DDX4: variants seen among roughly 807,000 people sequenced by gnomAD.
DDX4 encodes DEAD-box helicase 4.
A neutral mutation model predicts 100.0 loss-of-function variants in DDX4; 25 were observed. That is an observed-to-expected ratio of 0.25 (90% CI 0.18 to 0.35). The LOEUF is 0.35. DDX4 is among the 10% of genes least tolerant of loss of function. DDX4 has a pLI of 1.00. For missense variants in DDX4, 635 were observed against 882.4 expected, an observed-to-expected ratio of 0.72 and a Z score of 3.55; for synonymous variants, 259 against 275.7, an observed-to-expected ratio of 0.94 and a Z score of 0.60.
chr5:55,764,434 C>T (rs536174754), intron 6 of DDX4, among the ~76,000 whole-genome samples: 15 of 152,242 alleles, frequency 9.9e-5, no homozygotes, highest in African/African-American at 3.4e-4. Context: ...GAAAAAGTTT[C>T]ATGAGAATGT....
chr5:55,746,532 A>G lies in DDX4; in HGVS notation c.127+311A>G, dbSNP rs554874546. 1.2e-4 allele frequency among the ~76,000 whole-genome samples: 18 copies of G among 152,336 alleles called. No individual in the cohort carries two copies. The South Asian group carries it at 2.9e-3, about 25-fold the overall frequency. On this transcript the variant is annotated intron_variant, in intron 3 of 21. Transcript: ENST00000505374. ...CAGGGTTCCTGACATAAGGGAGTAGAATATAGGACTATAAGGTTGTCGAAG... is the reference window on the plus strand; with the variant it reads ...CAGGGTTCCTGACATAAGGGAGTAGGATATAGGACTATAAGGTTGTCGAAG...
At chr5:55,815,535 C>T in intron 21 of DDX4, 112 bp downstream of exon 21, 2 of 1,339,936 alleles carry the variant, frequency 1.5e-6, no homozygotes, top group Non-Finnish European at 1.9e-6. Flanking sequence ...TGTTTTCGTG[C>T]CTGGAAGGTA....
chr5:55,766,928 G>A (rs35248526), intron 6 of DDX4: 134,089 of 1,511,394 alleles, frequency 0.089, 9,652 homozygotes, highest in Admixed American at 0.35. Flanking sequence ...ACATTTCTGG[G>A]AATGGGGTCT....
At position 55,790,691 on chromosome 5, in the gene DDX4, A is replaced by G; in HGVS notation, c.1288A>G (p.Ile430Val). The part of the protein sequence containing the change: ...CATPGRLMDI[I>V]GKEKIGLKQI... ...TACTCCTGGAAGACTGATGGATATC[A>G]TAGGCAAAGAAAAGGTACGCCTTAT... The change falls in exon 16 of 22, where the codon ATA becomes GTA. Residue 430 changes from isoleucine to valine, a missense_variant. Physicochemically the swap from Ile to Val is conservative, Grantham distance 29. This residue lies in a region of DDX4 where 446 missense variants were observed against 540.8 expected (regional missense o/e 0.82). Coordinates refer to ENST00000505374, the MANE Select transcript of DDX4 (RefSeq NM_024415.3). 6.2e-7 allele frequency: 1 copy of G among 1,612,032 alleles called. No individual in the cohort carries two copies.
At chr5:55,782,112 C>G in intron 10 of DDX4, 131 bp downstream of exon 10, 1 of 1,008,876 alleles carries the variant, frequency 9.9e-7, no homozygotes, top group South Asian at 1.5e-5. Flanking sequence ...TGCTTTTATA[C>G]ACTGTGAGGA....
At chr5:55,814,804 A>G (rs1744300069) in intron 19 of DDX4, 97 bp from the exon 20 acceptor site, 1 of 1,375,884 alleles carries the variant, frequency 7.3e-7, no homozygotes, top group Admixed American at 2.1e-5. Context: ...GCTGCTATTC[A>G]TACTATTATT....
rs186582949 is a variant in DDX4 at position 55,784,197 on chromosome 5, G to A, written c.626-1100G>A. Among the ~76,000 whole-genome samples, 516 of 152,232 alleles carry A rather than the reference G, an allele frequency of 3.4e-3. 10 individuals are homozygous for A. The highest frequency in any genetic ancestry group is 0.016 in the Admixed American group (241 of 15,286). On this transcript the variant is annotated intron_variant, in intron 10 of 21. Coordinates refer to ENST00000505374, the MANE Select transcript of DDX4 (RefSeq NM_024415.3). ...AGACCTGAGAACCTCTTGGTGGGGC[G>A]GAGTCAGGGGGCGGGGGATTGCTGG...
chr5:55,794,689 T>C (rs560725407), intron 17 of DDX4, among the ~76,000 whole-genome samples: 1 of 152,300 alleles, frequency 6.6e-6, no homozygotes, highest in Non-Finnish European at 1.5e-5. Flanking sequence ...TTGTGAATCA[T>C]ATTTGATTAT....
chr5:55,745,532 C>T (rs1290245051), intron 2 of DDX4, among the ~76,000 whole-genome samples: 1 of 152,070 alleles, frequency 6.6e-6, no homozygotes, highest in Non-Finnish European at 1.5e-5. Context: ...AGTGAACCTC[C>T]CATCTCAGCC....
intron 8 of DDX4, among the ~76,000 whole-genome samples, chr5:55,780,742 C>T (rs962515349): frequency 8.5e-5 from 13 of 152,100 alleles, no homozygotes; most frequent in Non-Finnish European, 1.5e-4. Flanking sequence ...AGAGATTTAA[C>T]TTGCTTGTAT....
chr5:55,779,409 T>C (rs1357958659), intron 7 of DDX4, among the ~76,000 whole-genome samples: 3 of 152,212 alleles, frequency 2.0e-5, no homozygotes, highest in Non-Finnish European at 2.9e-5. Flanking sequence ...GTTGGCACTT[T>C]GGTTTTGCAT....
At position 55,816,952 on chromosome 5, in the gene DDX4, C is replaced by T. The variant is rs1326119519; in HGVS notation, c.*412C>T. 6.4e-6 allele frequency: 1 copy of T among 157,468 alleles called. No individual in the cohort carries two copies. Among genetic ancestry groups the T allele is most frequent in the African/African-American group, 2.4e-5 (1 of 41,508 alleles). 9.8% of individuals were successfully genotyped at this position (157,468 alleles called of 1,614,324 possible). On this transcript the variant is annotated 3_prime_UTR_variant, in exon 22 of 22. Coordinates refer to ENST00000505374, the MANE Select transcript of DDX4 (RefSeq NM_024415.3). ...GAGTCTTTAAAACAGTAGTGTGTCA[C>T]TATAATGTGATAATCTTTAAGAGAA...
chr5:55,760,050 ATTT>A (rs74270749), intron 3 of DDX4, 147 bp from the exon 4 acceptor site: 1,020 of 478,598 alleles, frequency 2.1e-3, no homozygotes, highest in South Asian at 3.3e-3. Context: ...TCATGTAGCC[ATTT>A]TTTTTTTTTT....
chr5:55,802,152 G>A (rs914821191), intron 18 of DDX4, among the ~76,000 whole-genome samples: 1 of 152,140 alleles, frequency 6.6e-6, no homozygotes, highest in Admixed American at 6.5e-5. Context: ...CAGGTAACTT[G>A]TCCACTTATA....
At chr5:55,780,158 T>C (rs1741821792) in intron 8 of DDX4, 93 bp downstream of exon 8, 1 of 1,525,604 alleles carries the variant, frequency 6.6e-7, no homozygotes, top group African/African-American at 1.4e-5. Context: ...GTTATGAGGA[T>C]TATATGAGAA....
chr5:55,740,884 C>T (rs1056572362), intron 2 of DDX4, among the ~76,000 whole-genome samples: 1 of 152,212 alleles, frequency 6.6e-6, no homozygotes, highest in East Asian at 1.9e-4. Context: ...CATATTACAA[C>T]TTTTGTGGGA....
At chr5:55,768,295 A>G (rs548588249) in intron 7 of DDX4, among the ~76,000 whole-genome samples, 3 of 152,214 alleles carry the variant, frequency 2.0e-5, no homozygotes, top group East Asian at 3.9e-4. Flanking sequence ...TTTCTACCCT[A>G]AAGTAGGCCC....
intron 6 of DDX4, chr5:55,767,076 TATTTC>T (rs1417526163): frequency 6.6e-6 from 9 of 1,371,032 alleles, no homozygotes; most frequent in Non-Finnish European, 8.6e-6. Context: ...ATCCCCAAAT[TATTTC>T]ATTAGCATGA....
At chr5:55,800,730 G>A (rs2112115329) in intron 18 of DDX4, among the ~76,000 whole-genome samples, 1 of 152,256 alleles carries the variant, frequency 6.6e-6, no homozygotes, top group South Asian at 2.1e-4. Flanking sequence ...AAAGGTCAAT[G>A]TATTATATAT....
Sources: gnomAD v4.1 joint callset for allele counts (sites outside exome capture counted in the v4.1 genomes callset) on GRCh38, gnomAD v4.1.1 for gene constraint, gnomAD v4.1.1 regional missense constraint, MANE v1.5 for transcripts, NCBI Gene and HGNC (gene_info 2026-07-23, HGNC 2026-07-21) for gene names.